PCSK6: variants seen among roughly 807,000 people sequenced by gnomAD.
The protein encoded by PCSK6 is proprotein convertase subtilisin/kexin type 6.
A neutral mutation model predicts 123.3 loss-of-function variants in PCSK6; 85 were observed. That is an observed-to-expected ratio of 0.69 (90% CI 0.58 to 0.83). PCSK6 has a LOEUF of 0.83. Among genes scored for constraint, PCSK6 ranks in the 40% least tolerant of loss-of-function variants. PCSK6 has a pLI of 0.00. For synonymous variants in PCSK6, 508 were observed against 516.0 expected, an observed-to-expected ratio of 0.98 and a Z score of 0.21; for missense variants, 1,191 against 1,282.3, an observed-to-expected ratio of 0.93 and a Z score of 1.09.
At chr15:101,371,043 C>G (rs2041570532) in intron 11 of PCSK6, among the ~76,000 whole-genome samples, 1 of 152,122 alleles carries the variant, frequency 6.6e-6, no homozygotes, top group Non-Finnish European at 1.5e-5. Flanking sequence ...ACCCTGTCTA[C>G]TAAAAATACA....
intron 13 of PCSK6, among the ~76,000 whole-genome samples, chr15:101,364,237 A>C (rs1380840503): frequency 6.6e-6 from 1 of 152,208 alleles, no homozygotes; most frequent in Non-Finnish European, 1.5e-5. Context: ...GGAACGACGG[A>C]ACAGTGAAAG....
In PCSK6 at chr15:101,363,974, C is replaced by A. The variant is rs576396436; in HGVS notation, c.1858+2222G>T. 3.9e-5 allele frequency among the ~76,000 whole-genome samples: 6 copies of A among 152,258 alleles called. No individual in the cohort carries two copies. The East Asian group carries it at 7.7e-4, about 20-fold the overall frequency. ...AAAATAGTTATTTACTATTTTAAAA[C>A]CAGAAAGAATACAACTGGGGGAGGT... On this transcript the variant is annotated intron_variant, in intron 13 of 21. Coordinates refer to ENST00000611716, the MANE Select transcript of PCSK6 (RefSeq NM_002570.5).
intron 2 of PCSK6, among the ~76,000 whole-genome samples, chr15:101,442,352 A>G (rs1314854156): frequency 1.3e-5 from 2 of 152,154 alleles, no homozygotes; most frequent in African/African-American, 4.8e-5. Context: ...ACCCACCTAT[A>G]AAACCAATCC....
At chr15:101,373,750 G>A (rs1456578845) in intron 11 of PCSK6, among the ~76,000 whole-genome samples, 1 of 152,142 alleles carries the variant, frequency 6.6e-6, no homozygotes, top group African/African-American at 2.4e-5. Context: ...GAAAAAAACA[G>A]AAGTGGTTCT....
At chr15:101,408,663 C>T (rs2042848898) in intron 6 of PCSK6, among the ~76,000 whole-genome samples, 2 of 152,172 alleles carry the variant, frequency 1.3e-5, no homozygotes, top group Admixed American at 1.3e-4. Flanking sequence ...TCACCAAATC[C>T]CCCCAAGCCC....
chr15:101,412,691 T>TTTTATATATA (rs772007096), intron 6 of PCSK6, among the ~76,000 whole-genome samples: 70 of 124,746 alleles, frequency 5.6e-4, no homozygotes, highest in African/African-American at 2.2e-3. Flanking sequence ...AACTGGAAAA[T>TTTTATATATA]TATATATATA....
rs1596165845 is a variant in PCSK6, at chr15:101,479,515, G to T, written c.297+9859C>A. ...GTATGAGTGAGCAGGCCCGGCCTCG[G>T]CTGTGGCCATGGGCTGGGTGGCAGG... On this transcript the variant is annotated intron_variant, in intron 1 of 21. Transcript: ENST00000611716. Among the ~76,000 whole-genome samples, 2 of 152,228 alleles carry T rather than the reference G, an allele frequency of 1.3e-5. 1 individual carries two copies. Among genetic ancestry groups the T allele is most frequent in the South Asian group, 4.1e-4 (2 of 4,826 alleles).
intron 13 of PCSK6, among the ~76,000 whole-genome samples, chr15:101,355,628 T>G (rs1301294739): frequency 6.6e-6 from 1 of 152,228 alleles, no homozygotes; most frequent in East Asian, 1.9e-4. Context: ...ACAAGGTAAG[T>G]GTGTGCTGCA....
intron 13 of PCSK6, among the ~76,000 whole-genome samples, chr15:101,340,841 C>A (rs777044115): frequency 6.6e-6 from 1 of 151,810 alleles, no homozygotes; most frequent in Non-Finnish European, 1.5e-5. Flanking sequence ...ACCACCCTTT[C>A]ATTTTCTGGG....
At chr15:101,383,342 A>T (rs1273594358) in intron 10 of PCSK6, among the ~76,000 whole-genome samples, 1 of 151,158 alleles carries the variant, frequency 6.6e-6, no homozygotes, top group Non-Finnish European at 1.5e-5. Context: ...CGCAGGAGGC[A>T]AAGGTTGCAG....
intron 6 of PCSK6, among the ~76,000 whole-genome samples, chr15:101,419,985 G>A (rs1322090145): frequency 6.6e-6 from 1 of 151,958 alleles, no homozygotes; most frequent in Non-Finnish European, 1.5e-5. Context: ...TCAGGAGTCC[G>A]AGATCAGCCT....
At chr15:101,472,449 C>T (rs1343476607) in intron 1 of PCSK6, among the ~76,000 whole-genome samples, 1 of 152,218 alleles carries the variant, frequency 6.6e-6, no homozygotes, top group Non-Finnish European at 1.5e-5. Flanking sequence ...GGCCCAAGCT[C>T]GAGACTTGCA....
In PCSK6 at chr15:101,432,058, T is replaced by C. The variant is rs2056463959; in HGVS notation, c.445A>G (p.Arg149Gly). The change falls in exon 3 of 22, where the codon AGA becomes GGA. Residue 149 changes from arginine (R) to glycine (G), a missense_variant. Coordinates refer to ENST00000611716, the MANE Select transcript of PCSK6 (RefSeq NM_002570.5). Reference protein sequence around the residue: ...QQQEVKRRVKRQVRSDPQALY... With the variant: ...QQQEVKRRVKGQVRSDPQALY... ...GCCTGCGGGTCACTTCGCACCTGTC[T>C]CTTCACCCTTCGTTTCACTTCCTGT... 1 of 1,613,698 alleles carries C rather than the reference T, an allele frequency of 6.2e-7. No homozygotes were observed. The highest frequency in any genetic ancestry group is 8.5e-7 in the Non-Finnish European group (1 of 1,179,844).
intron 1 of PCSK6, among the ~76,000 whole-genome samples, chr15:101,476,712 A>C (rs971830035): frequency 4.6e-5 from 7 of 152,158 alleles, no homozygotes; most frequent in African/African-American, 1.4e-4. Context: ...GAGGGGAGGA[A>C]GGAGATTTTG....
intron 6 of PCSK6, among the ~76,000 whole-genome samples, chr15:101,407,621 C>T (rs2042817555): frequency 1.3e-5 from 2 of 152,218 alleles, no homozygotes; most frequent in African/African-American, 4.8e-5. Context: ...CCTGAGTCTG[C>T]TGAAATTATT....
chr15:101,342,129 C>CAAAAAAAAAAAAAAAAAA (rs35083182), intron 13 of PCSK6, among the ~76,000 whole-genome samples: 5 of 51,512 alleles, frequency 9.7e-5, no homozygotes, highest in East Asian at 3.8e-4. Flanking sequence ...GACCCTGTCT[C>CAAAAAAAAAAAAAAAAAA]AAAAAAAAAA....
chr15:101,445,057 C>A (rs2056851937), intron 1 of PCSK6, among the ~76,000 whole-genome samples: 1 of 152,154 alleles, frequency 6.6e-6, no homozygotes, highest in African/African-American at 2.4e-5. Flanking sequence ...CAGCTTGCTC[C>A]AGTGTGTTTC....
Position 101,384,336 on chromosome 15 carries a change from C to G in PCSK6, c.1400G>C (p.Gly467Ala), listed in dbSNP as rs751550721. 4 of 1,613,792 alleles carry G rather than the reference C, an allele frequency of 2.5e-6. No individual in the cohort carries two copies. The Admixed American group carries it at 6.7e-5, about 27-fold the overall frequency. The change falls in exon 10 of 22, where the codon GGC becomes GCC. Residue 467 changes from glycine to alanine, a missense_variant. By Grantham distance (60) the Gly-to-Ala change is moderately conservative. Coordinates refer to ENST00000611716, the MANE Select transcript of PCSK6 (RefSeq NM_002570.5). ...HLKASDWKVN[G>A]AGHKVSHFYG... ...CACTGCCGCACCTTTATGACCCGCGCCGTTCACTTTCCAGTCGCTCGCTTT... is the reference window on the plus strand; with the variant it reads ...CACTGCCGCACCTTTATGACCCGCGGCGTTCACTTTCCAGTCGCTCGCTTT...
intron 10 of PCSK6, among the ~76,000 whole-genome samples, chr15:101,383,643 CT>C (rs1474859362): frequency 1.3e-5 from 2 of 152,186 alleles, no homozygotes; most frequent in African/African-American, 4.8e-5. Flanking sequence ...TAGAAAGTAA[CT>C]TACAAAACTA....
Sources: allele counts gnomAD v4.1 joint callset (sites outside exome capture counted in the v4.1 genomes callset), GRCh38; gene constraint gnomAD v4.1.1; transcripts MANE v1.5; gene names NCBI Gene and HGNC (gene_info 2026-07-23, HGNC 2026-07-21).